The following KAT14 variants were observed in gnomAD, a reference collection of about 807,000 sequenced individuals.
KAT14 encodes cysteine-rich protein 2-binding protein.
Under a neutral mutation model 78.4 loss-of-function variants are expected in KAT14, and 66 were observed. That is an observed-to-expected ratio of 0.84 (90% CI 0.69 to 1.03). The LOEUF (loss-of-function observed/expected upper bound fraction) is 1.03, where lower values mean the gene tolerates loss of function less well. KAT14 is among the 50% of genes least tolerant of loss of function. The probability of loss-of-function intolerance (pLI) is 0.00; values close to 1 mark genes in which losing one functional copy is unlikely to be tolerated. For synonymous variants in KAT14, 344 were observed against 359.4 expected, an observed-to-expected ratio of 0.96 and a Z score of 0.48; for missense variants, 870 against 972.5, an observed-to-expected ratio of 0.89 and a Z score of 1.40.
chr20:18,187,230 T>C, intron 10 of KAT14, 56 bp from the exon 11 acceptor site: 1 of 1,536,458 alleles, frequency 6.5e-7, no homozygotes, highest in Non-Finnish European at 8.7e-7. Context: ...CTTTACCTAC[T>C]CATTTTCCCT....
intron 7 of KAT14, among the ~76,000 whole-genome samples, chr20:18,178,116 A>AC (rs1555803996): frequency 2.6e-5 from 4 of 151,560 alleles, no homozygotes; most frequent in Admixed American, 1.3e-4. Context: ...TCAAAAAAAA[A>AC]ACAAAAAACA....
chr20:18,159,708 A>G (rs541365686), intron 5 of KAT14, among the ~76,000 whole-genome samples: 5 of 152,314 alleles, frequency 3.3e-5, no homozygotes, highest in African/African-American at 1.2e-4. Context: ...TTAGAAACAA[A>G]TCCCAGGAAT....
chr20:18,173,103 C>G (rs542109149), intron 7 of KAT14, among the ~76,000 whole-genome samples: 1 of 152,300 alleles, frequency 6.6e-6, no homozygotes, highest in African/African-American at 2.4e-5. Flanking sequence ...GCAGGTGTTA[C>G]TAAGAACACA....
intron 1 of KAT14, chr20:18,138,490 C>T (rs1228457536): frequency 1.0e-6 from 1 of 983,128 alleles, no homozygotes; most frequent in African/African-American, 1.7e-5. Context: ...CTACCAGCCT[C>T]CCTCCTGGCC....
In KAT14 at chr20:18,187,875, G is replaced by A. The variant is rs2039496402; in HGVS notation, c.*416G>A. 5.5e-6 allele frequency: 1 copy of A among 182,730 alleles called. No homozygotes were observed. Among genetic ancestry groups the A allele is most frequent in the Non-Finnish European group, 1.1e-5 (1 of 89,002 alleles). The allele number at this position is 182,730 out of a possible 1,614,324, so 11.3% of individuals were successfully genotyped here. On this transcript the variant is annotated 3_prime_UTR_variant, in exon 11 of 11. Transcript: ENST00000688188. ...CCAAAAGGCACTGTCCTGGGATGAT[G>A]AGAGATTATAAGGTGATTTCATAAA...
In KAT14 at chr20:18,158,954, C is replaced by A. The variant is rs1205229; in HGVS notation, c.501-130C>A. On this transcript the variant is annotated intron_variant, in intron 4 of 10. Coordinates refer to ENST00000688188, the MANE Select transcript of KAT14 (RefSeq NM_001392073.1). Reference sequence around the variant, plus strand: ...ACTCCAGAGCCTCTCTCCTGCCTCTCGTGCTCTGCTCCTTCAGTAGCTGGA... The same window carrying A: ...ACTCCAGAGCCTCTCTCCTGCCTCTAGTGCTCTGCTCCTTCAGTAGCTGGA... 0.03 allele frequency: 33,964 copies of A among 1,139,184 alleles called. 601 individuals are homozygous for A. Among genetic ancestry groups the A allele is most frequent in the Non-Finnish European group, 0.034 (28,960 of 843,990 alleles). 70.6% of individuals were successfully genotyped at this position (1,139,184 alleles called of 1,614,324 possible).
chr20:18,164,858 C>G lies in KAT14; in HGVS notation c.1668+1913C>G, dbSNP rs576028537. On this transcript the variant is annotated intron_variant, in intron 7 of 10. Transcript: ENST00000688188. ...CCCAGACTGATCTCAAACTCCTGGG[C>G]TCGAGTGATCGCCTCAGCCTCCCAA... Among the ~76,000 whole-genome samples the G allele has an allele frequency of 6.3e-4, 96 of 152,088 alleles. 2 individuals carry two copies. The South Asian group carries it at 0.019, about 30-fold the overall frequency.
intron 5 of KAT14, among the ~76,000 whole-genome samples, chr20:18,160,780 A>G (rs1019109916): frequency 6.6e-6 from 1 of 152,076 alleles, no homozygotes; most frequent in Admixed American, 6.6e-5. Flanking sequence ...CAATTCTACA[A>G]ATTTGTGTAC....
At chr20:18,174,075 A>G (rs2038949376) in intron 7 of KAT14, among the ~76,000 whole-genome samples, 1 of 152,238 alleles carries the variant, frequency 6.6e-6, no homozygotes, top group African/African-American at 2.4e-5. Flanking sequence ...GTCATATAAT[A>G]TGTGGCCTTT....
chr20:18,159,376 G>A, intron 5 of KAT14, 111 bp downstream of exon 5: 11 of 1,276,414 alleles, frequency 8.6e-6, no homozygotes, highest in Non-Finnish European at 1.2e-5. Flanking sequence ...CCTCTCTGGA[G>A]CTACTCTGTT....
At chr20:18,149,171 TA>T (rs1437861807) in intron 3 of KAT14, among the ~76,000 whole-genome samples, 1 of 152,234 alleles carries the variant, frequency 6.6e-6, no homozygotes, top group East Asian at 1.9e-4. Flanking sequence ...ATGATTTTCT[TA>T]AATTATTTAT....
intron 4 of KAT14, 69 bp downstream of exon 4, chr20:18,151,011 C>T (rs766640880): frequency 4.8e-5 from 75 of 1,573,668 alleles, no homozygotes; most frequent in Admixed American, 2.1e-4. Context: ...GGATTTGAGA[C>T]AGCCTAATGT....
chr20:18,150,721 A>G (rs760766339), intron 3 of KAT14, 100 bp from the exon 4 acceptor site: 57 of 1,554,394 alleles, frequency 3.7e-5, no homozygotes, highest in Non-Finnish European at 4.4e-5. Context: ...GTTCCCCACC[A>G]TTCCTACTCA....
chr20:18,174,262 A>G (rs1360311117), intron 7 of KAT14, among the ~76,000 whole-genome samples: 1 of 152,238 alleles, frequency 6.6e-6, no homozygotes, highest in Admixed American at 6.5e-5. Context: ...ATGAACATAA[A>G]TACTGCTTTG....
intron 9 of KAT14, among the ~76,000 whole-genome samples, chr20:18,184,162 T>C (rs899691860): frequency 6.6e-5 from 10 of 152,234 alleles, no homozygotes; most frequent in African/African-American, 2.4e-4. Context: ...AAAGAACTTA[T>C]AAATTATATG....
At chr20:18,178,530 G>A (rs2039128744) in intron 7 of KAT14, among the ~76,000 whole-genome samples, 1 of 152,146 alleles carries the variant, frequency 6.6e-6, no homozygotes, top group Non-Finnish European at 1.5e-5. Context: ...ACTCTTACAT[G>A]GTGGTGGCAA....
At chr20:18,186,165 C>T (rs2146548740) in intron 10 of KAT14, among the ~76,000 whole-genome samples, 1 of 152,250 alleles carries the variant, frequency 6.6e-6, no homozygotes, top group East Asian at 1.9e-4. Flanking sequence ...GGTACAGAGT[C>T]AGTCCCTGCT....
intron 3 of KAT14, among the ~76,000 whole-genome samples, chr20:18,147,788 G>T (rs2037879618): frequency 6.6e-6 from 1 of 152,146 alleles, no homozygotes; most frequent in Non-Finnish European, 1.5e-5. Context: ...GTTTTGCCAT[G>T]TTGGCCAGGC....
intron 5 of KAT14, among the ~76,000 whole-genome samples, chr20:18,161,390 A>G (rs969264810): frequency 1.3e-5 from 2 of 152,098 alleles, no homozygotes; most frequent in African/African-American, 4.8e-5. Flanking sequence ...AGTAGGTGAA[A>G]GATAGTATTT....
Sources: gnomAD v4.1 joint callset for allele counts (sites outside exome capture counted in the v4.1 genomes callset) on GRCh38, gnomAD v4.1.1 for gene constraint, MANE v1.5 for transcripts, NCBI Gene and HGNC (gene_info 2026-07-23, HGNC 2026-07-21) for gene names.